Variants in NVL observed in about 807,000 individuals in gnomAD.
The protein encoded by NVL is nuclear valosin-containing protein-like.
NVL carries 84 observed loss-of-function variants against 110.2 expected under a neutral mutation model. That is an observed-to-expected ratio of 0.76 (90% CI 0.64 to 0.91). NVL has a LOEUF of 0.91. Ranked by LOEUF, NVL falls within the 40% of genes least tolerant of loss-of-function variation. The probability of loss-of-function intolerance (pLI) is 0.00; values close to 1 mark genes in which losing one functional copy is unlikely to be tolerated. For synonymous variants in NVL, 354 were observed against 361.1 expected, an observed-to-expected ratio of 0.98 and a Z score of 0.22; for missense variants, 882 against 1,035.9, an observed-to-expected ratio of 0.85 and a Z score of 2.04.
Position 224,304,750 on chromosome 1 carries a change from C to T in NVL, c.811G>A (p.Asp271Asn). The change falls in exon 8 of 23, where the codon GAT (aspartate) becomes AAT (asparagine). Residue 271 changes from aspartate to asparagine, a missense_variant. Coordinates refer to ENST00000281701, the MANE Select transcript of NVL (RefSeq NM_002533.4). The part of the protein sequence containing the change: ...NVKFEDVGGN[D>N]MTLKEVCKML... Reference sequence around the variant, plus strand: ...TTTGCACTAACTTTTAATGTCATATCATTGCCTCCCACATCTTCAAACTTC... The same window carrying T: ...TTTGCACTAACTTTTAATGTCATATTATTGCCTCCCACATCTTCAAACTTC... The T allele has an allele frequency of 6.2e-7, 1 of 1,613,750 alleles. No homozygotes were observed. The highest frequency in any genetic ancestry group is 1.1e-5 in the South Asian group (1 of 91,046).
intron 19 of NVL, among the ~76,000 whole-genome samples, chr1:224,237,961 CAA>C (rs200152434): frequency 5.2e-5 from 7 of 135,730 alleles, no homozygotes; most frequent in African/African-American, 2.1e-4. Context: ...GACTTGGTTT[CAA>C]AAAAAAAAAA....
chr1:224,257,870 A>C (rs547312763), intron 18 of NVL, among the ~76,000 whole-genome samples: 3 of 152,246 alleles, frequency 2.0e-5, no homozygotes, highest in East Asian at 3.9e-4. Flanking sequence ...CAAAAGAATC[A>C]ATTTGCACAC....
At chr1:224,326,613 A>C (rs1671169016) in intron 1 of NVL, 149 bp from the exon 2 acceptor site, 1 of 569,788 alleles carries the variant, frequency 1.8e-6, no homozygotes, top group Non-Finnish European at 3.1e-6. Context: ...AAGTAACCAA[A>C]TAATTGTCAA....
chr1:224,241,865 AAAAAT>A (rs763912151), intron 19 of NVL, among the ~76,000 whole-genome samples: 10 of 109,458 alleles, frequency 9.1e-5, no homozygotes, highest in East Asian at 2.5e-4. Context: ...TCAAAAAAAA[AAAAAT>A]AAAAAGAAAA....
rs1351341855 is a variant in NVL, at chr1:224,227,639, G to A, written c.2558C>T (p.Ser853Phe). 3 of 1,611,448 alleles carry A rather than the reference G, an allele frequency of 1.9e-6. No homozygotes were observed. In the African/African-American group the frequency reaches 4.0e-5, roughly 22 times the overall value. The change falls in exon 23 of 23, where the codon TCC becomes TTC. Residue 853 changes from serine (S) to phenylalanine (F), a missense_variant. Coordinates refer to ENST00000281701, the MANE Select transcript of NVL (RefSeq NM_002533.4). ...DQIMYERLQE[S>F]LSR ...CTGCTGGAGACATCACCGGCTGAGG[G>A]ACTCCTGCAAACGTTCATACATGAT...
chr1:224,326,790 TAA>T (rs1671187732), intron 1 of NVL, among the ~76,000 whole-genome samples: 1 of 152,220 alleles, frequency 6.6e-6, no homozygotes, highest in African/African-American at 2.4e-5. Context: ...GGGGATATTT[TAA>T]ACTTCAAGGA....
At position 224,304,841 on chromosome 1, in the gene NVL, G is replaced by C. The variant is rs188427269; in HGVS notation, c.749-29C>G. 5 of 1,579,948 alleles carry C rather than the reference G, an allele frequency of 3.2e-6. No individual in the cohort carries two copies. The African/African-American group carries it at 6.7e-5, about 21-fold the overall frequency. On this transcript the variant is annotated intron_variant, in intron 7 of 22. Coordinates refer to ENST00000281701, the MANE Select transcript of NVL (RefSeq NM_002533.4). ...GTAAACAAAAATGAGGAGATGAAAA[G>C]ATTAATGATTCAGTAGTAACTCATA...
At chr1:224,282,122 G>A (rs1666419381) in intron 15 of NVL, among the ~76,000 whole-genome samples, 1 of 148,686 alleles carries the variant, frequency 6.7e-6, no homozygotes, top group African/African-American at 2.5e-5. Context: ...CTGCAGTGCA[G>A]TGATGAGATC....
rs113369465 is a variant in NVL at position 224,319,349 on chromosome 1, C to G, written c.132-1419G>C. Among the ~76,000 whole-genome samples, 621 of 151,160 alleles carry G rather than the reference C, an allele frequency of 4.1e-3. 5 individuals are homozygous for G. The highest frequency in any genetic ancestry group is 0.014 in the African/African-American group (597 of 41,236). On this transcript the variant is annotated intron_variant, in intron 2 of 22. Transcript: ENST00000281701. Reference sequence around the variant, plus strand: ...TTGAAACGGAGTCTCGCTCTGTGGCCCAGGCTGGAGTGCAGTGGTGCAATC... The same window carrying G: ...TTGAAACGGAGTCTCGCTCTGTGGCGCAGGCTGGAGTGCAGTGGTGCAATC...
chr1:224,290,998 G>C (rs902021138), intron 12 of NVL, among the ~76,000 whole-genome samples: 3 of 152,086 alleles, frequency 2.0e-5, no homozygotes, highest in African/African-American at 7.2e-5. Flanking sequence ...TATTCAGGAT[G>C]AAAGGTCTGA....
At chr1:224,296,151 A>T (rs1169801935) in intron 11 of NVL, among the ~76,000 whole-genome samples, 1 of 152,006 alleles carries the variant, frequency 6.6e-6, no homozygotes, top group Admixed American at 6.6e-5. Flanking sequence ...CAATCAGTCC[A>T]TCAATCAGAA....
intron 18 of NVL, among the ~76,000 whole-genome samples, chr1:224,250,781 A>G (rs1662385383): frequency 6.6e-6 from 1 of 152,092 alleles, no homozygotes; most frequent in East Asian, 1.9e-4. Flanking sequence ...CTCATAGCTT[A>G]GCTCCCACTT....
intron 17 of NVL, among the ~76,000 whole-genome samples, chr1:224,272,721 C>T (rs1665257574): frequency 6.7e-6 from 1 of 149,232 alleles, no homozygotes; most frequent in South Asian, 2.1e-4. Context: ...TGTCTCAAAA[C>T]AAACAAACAA....
intron 18 of NVL, among the ~76,000 whole-genome samples, chr1:224,263,707 A>G (rs1281446751): frequency 6.6e-6 from 1 of 152,204 alleles, no homozygotes; most frequent in Admixed American, 6.5e-5. Flanking sequence ...CAAATTCTCC[A>G]TGGACTGTAG....
intron 19 of NVL, among the ~76,000 whole-genome samples, chr1:224,245,565 C>T (rs924028173): frequency 6.6e-6 from 1 of 152,144 alleles, no homozygotes; most frequent in East Asian, 1.9e-4. Flanking sequence ...AAAATGCACT[C>T]TCAAGTCAAA....
At chr1:224,301,007 G>A (rs1668346127) in intron 9 of NVL, among the ~76,000 whole-genome samples, 1 of 151,896 alleles carries the variant, frequency 6.6e-6, no homozygotes, top group South Asian at 2.1e-4. Context: ...TGGGAAGGCT[G>A]AGGCAGAAGA....
intron 5 of NVL, 58 bp from the exon 6 acceptor site, chr1:224,308,321 G>A: frequency 1.4e-6 from 2 of 1,460,742 alleles, no homozygotes; most frequent in East Asian, 2.3e-5. Context: ...ACTCATAAAA[G>A]TTGTATTGCC....
intron 2 of NVL, among the ~76,000 whole-genome samples, chr1:224,321,006 C>T (rs1036419423): frequency 1.3e-5 from 2 of 152,118 alleles, no homozygotes; most frequent in African/African-American, 4.8e-5. Context: ...AATCCTAGCA[C>T]TTTAGGAGGC....
chr1:224,315,310 G>C lies in NVL; in HGVS notation c.284+2384C>G, dbSNP rs1669961983. Among the ~76,000 whole-genome samples the C allele has an allele frequency of 2.6e-5, 4 of 152,228 alleles. No individual in the cohort carries two copies. The South Asian group carries it at 8.3e-4, about 32-fold the overall frequency. On this transcript the variant is annotated intron_variant, in intron 4 of 22. Coordinates refer to ENST00000281701, the MANE Select transcript of NVL (RefSeq NM_002533.4). The stretch of plus-strand genomic sequence containing the variant: ...AAAGATAACATATCAGGACCAAGTA[G>C]AGTTTATCCCCAGGAGGCAAGATTG...
Sources: allele counts gnomAD v4.1 joint callset (sites outside exome capture counted in the v4.1 genomes callset), GRCh38; gene constraint gnomAD v4.1.1; transcripts MANE v1.5; gene names NCBI Gene and HGNC (gene_info 2026-07-23, HGNC 2026-07-21).